Variants in AHRR observed in about 807,000 individuals in gnomAD.
AHRR encodes ahR repressor.
AHRR carries 28 observed loss-of-function variants against 44.0 expected under a neutral mutation model. That is an observed-to-expected ratio of 0.64 (90% CI 0.47 to 0.87). The LOEUF is 0.87. Among genes scored for constraint, AHRR ranks in the 40% least tolerant of loss-of-function variants. AHRR has a pLI of 0.00. For missense variants in AHRR, 990 were observed against 953.9 expected, an observed-to-expected ratio of 1.04 and a Z score of -0.50; for synonymous variants, 434 against 407.0, an observed-to-expected ratio of 1.07 and a Z score of -0.80.
chr5:426,771 CAGAT>C (rs1391542706), intron 7 of AHRR, among the ~76,000 whole-genome samples: 1 of 124,160 alleles, frequency 8.1e-6, no homozygotes, highest in Non-Finnish European at 1.7e-5. Context: ...GATGCATGGA[CAGAT>C]GGATGAATGG....
intron 4 of AHRR, among the ~76,000 whole-genome samples, chr5:399,379 C>T (rs1461680161): frequency 2.0e-5 from 3 of 152,372 alleles, no homozygotes; most frequent in East Asian, 3.9e-4. Context: ...GTGCGTTTCA[C>T]ACTCAGGGTG....
chr5:388,890 G>C lies in AHRR; in HGVS notation c.351+12174G>C, dbSNP rs1734282460. Among the ~76,000 whole-genome samples the C allele has an allele frequency of 6.6e-6, 1 of 152,202 alleles. No homozygotes were observed. The highest frequency in any genetic ancestry group is 2.1e-4 in the South Asian group (1 of 4,836). ...CACAATGCTCATGACAAAAGCAGCA[G>C]GTGCGGAGGGTTTCCGCCGGTGCCT... On this transcript the variant is annotated intron_variant, in intron 4 of 10. Transcript: ENST00000684583. The surrounding 1 kb of genome is among the most constrained non-coding windows in gnomAD (Gnocchi z 5.2).
intron 3 of AHRR, chr5:367,866 GC>G: frequency 1.4e-6 from 1 of 702,574 alleles, no homozygotes; most frequent in South Asian, 1.5e-5. Flanking sequence ...GCGAACGAAG[GC>G]CCATGTCGTT....
intron 3 of AHRR, among the ~76,000 whole-genome samples, chr5:367,098 A>G (rs1032696711): frequency 3.3e-5 from 5 of 152,290 alleles, no homozygotes; most frequent in African/African-American, 1.2e-4. Flanking sequence ...ATCTCAAAGC[A>G]TAAGCAGGAG....
At chr5:403,567 C>T (rs181489934) in intron 4 of AHRR, among the ~76,000 whole-genome samples, 7 of 145,004 alleles carry the variant, frequency 4.8e-5, no homozygotes, top group Non-Finnish European at 8.9e-5. Context: ...ACCTGGGAGG[C>T]GGAGGTTGCA....
At chr5:347,379 G>A (rs1052256988) in intron 2 of AHRR, among the ~76,000 whole-genome samples, 1 of 152,096 alleles carries the variant, frequency 6.6e-6, no homozygotes, top group Non-Finnish European at 1.5e-5. Flanking sequence ...TGAATTTGTC[G>A]ATCTTTACTT....
At chr5:368,087 C>A (rs565351213) in intron 3 of AHRR, 1 of 594,260 alleles carries the variant, frequency 1.7e-6, no homozygotes. Flanking sequence ...AATTTACCTA[C>A]GAATTCATTA....
intron 8 of AHRR, 140 bp downstream of exon 8, chr5:428,146 C>T: frequency 1.0e-6 from 1 of 995,074 alleles, no homozygotes; most frequent in Non-Finnish European, 1.5e-6. Context: ...AAAGTCATTA[C>T]ACAACATAGG....
At chr5:329,012 G>A (rs1484654422) in intron 1 of AHRR, among the ~76,000 whole-genome samples, 3 of 152,264 alleles carry the variant, frequency 2.0e-5, no homozygotes, top group African/African-American at 7.2e-5. Context: ...GGAGAGACCT[G>A]GTGGGAAGTG....
intron 1 of AHRR, among the ~76,000 whole-genome samples, chr5:336,900 A>G (rs1742156904): frequency 6.6e-6 from 1 of 151,738 alleles, no homozygotes; most frequent in Non-Finnish European, 1.5e-5. Flanking sequence ...TTTTCCTCTT[A>G]GAGACAAGGC....
At chr5:352,102 C>G (rs1406398495) in intron 2 of AHRR, among the ~76,000 whole-genome samples, 1 of 152,264 alleles carries the variant, frequency 6.6e-6, no homozygotes, top group Non-Finnish European at 1.5e-5. Context: ...TCCATACTGG[C>G]TGCCATCTTT....
intron 10 of AHRR, 129 bp from the exon 11 acceptor site, chr5:433,724 G>T: frequency 1.8e-6 from 2 of 1,113,682 alleles, no homozygotes; most frequent in Non-Finnish European, 1.2e-6. Context: ...GCAGTGAGGG[G>T]TCGGTGTAGC....
chr5:385,713 C>A (rs1028367805), intron 4 of AHRR, among the ~76,000 whole-genome samples: 3 of 152,202 alleles, frequency 2.0e-5, no homozygotes, highest in Admixed American at 2.0e-4. Flanking sequence ...TGTATCTGAG[C>A]TTAGATATTA....
chr5:356,564 C>A lies in AHRR; in HGVS notation c.244+2653C>A, dbSNP rs1743056256. On this transcript the variant is annotated intron_variant, in intron 3 of 10. Transcript: ENST00000684583. ...GAGTGGAGGCCCTCAGTCACGGAGT[C>A]CACCCGGGCAGTCAGCGACTGAGGA... Among the ~76,000 whole-genome samples the A allele has an allele frequency of 2.4e-4, 9 of 37,100 alleles. No homozygotes were observed. In the South Asian group the frequency reaches 0.012, roughly 49 times the overall value. The allele number at this position is 37,100 out of a possible 152,430, so 24.3% of individuals were successfully genotyped here.
At chr5:432,706 A>C in intron 9 of AHRR, 100 bp from the exon 10 acceptor site, 1 of 1,587,340 alleles carries the variant, frequency 6.3e-7, no homozygotes, top group Non-Finnish European at 8.6e-7. Context: ...TGCATTTCTG[A>C]GGAGCCGATG....
At chr5:377,852 C>T (rs1733799964) in intron 4 of AHRR, among the ~76,000 whole-genome samples, 1 of 152,216 alleles carries the variant, frequency 6.6e-6, no homozygotes, top group Non-Finnish European at 1.5e-5. Context: ...CAGGGGGACT[C>T]TCCAAGAAGA....
At chr5:375,680 C>T (rs1052395127) in intron 3 of AHRR, among the ~76,000 whole-genome samples, 1 of 152,238 alleles carries the variant, frequency 6.6e-6, no homozygotes, top group African/African-American at 2.4e-5. Context: ...CAGATGCCCC[C>T]CCGGCCTTGC....
chr5:377,808 C>T (rs1167094672), intron 4 of AHRR, among the ~76,000 whole-genome samples: 2 of 152,250 alleles, frequency 1.3e-5, no homozygotes, highest in Admixed American at 6.5e-5. Flanking sequence ...TCCCACCCTG[C>T]TCCCAGCAGC....
rs372699934 is a variant in AHRR, at chr5:413,386, A to G, written c.394A>G (p.Ile132Val). The G allele has an allele frequency of 7.4e-6, 12 of 1,613,818 alleles. No homozygotes were observed. In the South Asian group the frequency reaches 7.7e-5, roughly 10 times the overall value. Residue 132 changes from isoleucine to valine, a missense_variant, in exon 5 of 11, where the codon ATA becomes GTA. Transcript: ENST00000684583. ...TCTGGTCGTGAGTGCAGAAGGGACG[A>G]TATTTTATGCATCAGCAACGATCGT... ...FALVVSAEGT[I>V]FYASATIVDY...
Sources: allele counts gnomAD v4.1 joint callset (sites outside exome capture counted in the v4.1 genomes callset), GRCh38; gene constraint gnomAD v4.1.1; non-coding constraint Gnocchi (gnomAD v3.1); transcripts MANE v1.5; gene names NCBI Gene and HGNC (gene_info 2026-07-23, HGNC 2026-07-21).